Variants in NIPBL observed in about 807,000 individuals in gnomAD.
The protein encoded by NIPBL is nipped-B-like protein.
Under a neutral mutation model 321.8 loss-of-function variants are expected in NIPBL, and 19 were observed. The observed-to-expected ratio is 0.06, with a 90% confidence interval of 0.04 to 0.09. The LOEUF is 0.09. NIPBL is among the 10% of genes least tolerant of loss of function. The pLI is 1.00. For missense variants in NIPBL, 2,210 were observed against 3,327.0 expected (o/e 0.66, Z 8.26); for synonymous variants, 1,106 against 1,114.1 (o/e 0.99, Z 0.14).
intron 34 of NIPBL, among the ~76,000 whole-genome samples, chr5:37,043,232 C>G (rs533222348): frequency 4.6e-5 from 7 of 152,008 alleles, no homozygotes; most frequent in Admixed American, 1.3e-4. Flanking sequence ...CCTGTCTCTA[C>G]AAAAATGAAA....
intron 30 of NIPBL, 121 bp downstream of exon 30, chr5:37,024,840 A>C (rs912597464): frequency 2.6e-6 from 2 of 763,720 alleles, no homozygotes; most frequent in African/African-American, 3.6e-5. Context: ...TTTATAGTTT[A>C]TAAACTTAAG....
chr5:36,956,949 C>T (rs1741034677), intron 3 of NIPBL, among the ~76,000 whole-genome samples: 1 of 151,886 alleles, frequency 6.6e-6, no homozygotes, highest in African/African-American at 2.4e-5. Flanking sequence ...TATGCTTGTA[C>T]ATACTTATTC....
intron 1 of NIPBL, among the ~76,000 whole-genome samples, chr5:36,943,334 T>C (rs914470446): frequency 2.0e-5 from 3 of 152,172 alleles, no homozygotes; most frequent in African/African-American, 7.2e-5. Context: ...TGAAAAAGTA[T>C]GTGAAAGCAC....
In NIPBL at chr5:36,894,502, A is replaced by G. The variant is rs988857781; in HGVS notation, c.-80+17324A>G. Among the ~76,000 whole-genome samples the G allele has an allele frequency of 2.0e-5, 3 of 152,192 alleles. No individual in the cohort carries two copies. The East Asian group carries it at 5.8e-4, about 29-fold the overall frequency. ...ACATATAATATATTCGTATATACAA[A>G]TATATCCTATGCACTTTGATAGCTC... On this transcript the variant is annotated intron_variant, in intron 1 of 46. Coordinates refer to ENST00000282516, the MANE Select transcript of NIPBL (RefSeq NM_133433.4).
intron 34 of NIPBL, among the ~76,000 whole-genome samples, chr5:37,043,122 A>G (rs942223920): frequency 4.6e-5 from 7 of 152,284 alleles, no homozygotes; most frequent in Admixed American, 2.0e-4. Flanking sequence ...TAGGCTGAGC[A>G]TGGTGGCCCA....
At chr5:37,032,740 C>A (rs1336269903) in intron 32 of NIPBL, among the ~76,000 whole-genome samples, 1 of 151,956 alleles carries the variant, frequency 6.6e-6, no homozygotes, top group Admixed American at 6.5e-5. Context: ...GTGCCACTGC[C>A]CTTTCTTCTG....
At chr5:37,039,440 A>C (rs1052682822) in intron 34 of NIPBL, among the ~76,000 whole-genome samples, 6 of 152,104 alleles carry the variant, frequency 3.9e-5, no homozygotes, top group African/African-American at 1.4e-4. Context: ...ACATTGCTTA[A>C]GTAAAATTAT....
chr5:37,036,352 T>C, intron 32 of NIPBL, 27 bp from the exon 33 acceptor site: 2 of 489,270 alleles, frequency 4.1e-6, no homozygotes, highest in East Asian at 5.6e-5. Context: ...TATATGTATA[T>C]ATATATATAT....
At chr5:37,049,726 G>T (rs535394411) in intron 40 of NIPBL, among the ~76,000 whole-genome samples, 1 of 152,000 alleles carries the variant, frequency 6.6e-6, no homozygotes, top group Non-Finnish European at 1.5e-5. Context: ...CTTTAAGTTG[G>T]GTATAACACC....
intron 27 of NIPBL, among the ~76,000 whole-genome samples, chr5:37,021,548 G>T (rs558912660): frequency 5.3e-5 from 8 of 151,962 alleles, no homozygotes; most frequent in South Asian, 2.1e-4. Flanking sequence ...TGCCATGGTG[G>T]CATGTGCCTG....
chr5:37,049,828 A>AGT (rs1753340406), intron 40 of NIPBL, among the ~76,000 whole-genome samples: 1 of 152,260 alleles, frequency 6.6e-6, no homozygotes, highest in Non-Finnish European at 1.5e-5. Context: ...ATGCTGATGT[A>AGT]GTAGTATATA....
intron 1 of NIPBL, among the ~76,000 whole-genome samples, chr5:36,929,066 G>C (rs1457720213): frequency 6.6e-6 from 1 of 152,192 alleles, no homozygotes; most frequent in East Asian, 1.9e-4. Flanking sequence ...AACTTTTTAA[G>C]AAACAGCCAA....
chr5:36,970,105 C>T (rs1056765121), intron 6 of NIPBL, among the ~76,000 whole-genome samples: 5 of 152,020 alleles, frequency 3.3e-5, no homozygotes, highest in African/African-American at 9.7e-5. Flanking sequence ...TGAATTTACA[C>T]CAGGCACAGT....
chr5:37,004,223 A>G (rs539631395), intron 16 of NIPBL, among the ~76,000 whole-genome samples: 250 of 152,268 alleles, frequency 1.6e-3, no homozygotes, highest in African/African-American at 5.5e-3. Flanking sequence ...CATGCTTGCA[A>G]TGGTTTATTA....
At chr5:37,026,495 TGTC>T (rs1414653526) in intron 31 of NIPBL, among the ~76,000 whole-genome samples, 168 bp downstream of exon 31, 1 of 152,172 alleles carries the variant, frequency 6.6e-6, no homozygotes, top group African/African-American at 2.4e-5. Context: ...GCAAGTAACA[TGTC>T]GTTGATGCTT....
In NIPBL at chr5:36,976,305, T is replaced by C; in HGVS notation, c.1398T>C (p.Tyr466=). ...AGATATCACAACAGGGACCTATATA[T>C]GATGAAGTGGAATTGGATGCATTGG... is the stretch of plus-strand genomic sequence containing the variant. ...QQQISQQGPI[Y]DEVELDALAE... Residue 466 remains tyrosine, a synonymous_variant, in exon 9 of 47, where the codon TAT becomes TAC. Coordinates refer to ENST00000282516, the MANE Select transcript of NIPBL (RefSeq NM_133433.4). The C allele has an allele frequency of 6.2e-7, 1 of 1,613,538 alleles. No homozygotes were observed.
In NIPBL at chr5:37,008,691, A is replaced by G. The variant is rs1412876231; in HGVS notation, c.4389A>G (p.Leu1463=). 6.2e-7 allele frequency: 1 copy of G among 1,605,770 alleles called. No homozygotes were observed. Among genetic ancestry groups the G allele is most frequent in the Non-Finnish European group, 8.5e-7 (1 of 1,172,596 alleles). The change falls in exon 20 of 47, where the codon TTA becomes TTG. Residue 1463 remains leucine (L), a synonymous_variant. Transcript: ENST00000282516. ...AAATTTTTACTTCACTTGCAAGATT[A>G]CCAACCAGCAAGAGGAGTTTAAGGA... is the stretch of plus-strand genomic sequence containing the variant. ...LEEIFTSLAR[L]PTSKRSLRNF...
At chr5:37,044,280 C>A in intron 34 of NIPBL, 67 bp from the exon 35 acceptor site, 1 of 1,441,276 alleles carries the variant, frequency 6.9e-7, no homozygotes, top group Non-Finnish European at 9.6e-7. Context: ...CCCCCAAATA[C>A]GTAAAGCTGT....
intron 27 of NIPBL, 51 bp downstream of exon 27, chr5:37,020,928 G>T: frequency 8.4e-7 from 1 of 1,189,302 alleles, no homozygotes; most frequent in South Asian, 1.2e-5. Flanking sequence ...TTCTGATTCT[G>T]GATGCTTGTG....
Sources: gnomAD v4.1 joint callset for allele counts (sites outside exome capture counted in the v4.1 genomes callset) on GRCh38, gnomAD v4.1.1 for gene constraint, MANE v1.5 for transcripts, NCBI Gene and HGNC (gene_info 2026-07-23, HGNC 2026-07-21) for gene names.